The following TRMT44 variants were observed in gnomAD, a reference collection of about 807,000 sequenced individuals.
TRMT44 encodes probable tRNA (uracil-O(2)-)-methyltransferase.
A neutral mutation model predicts 77.3 loss-of-function variants in TRMT44; 78 were observed. The observed-to-expected ratio is 1.01, with a 90% CI of 0.84 to 1.22. The LOEUF (loss-of-function observed/expected upper bound fraction) is 1.22. Ranked by LOEUF, TRMT44 falls within the 50% of genes most tolerant of loss-of-function variation. The pLI is 0.00. For synonymous variants in TRMT44, 391 were observed against 383.3 expected (o/e 1.02, Z -0.23); for missense variants, 1,090 against 964.4 (o/e 1.13, Z -1.73).
rs1560223271 is a variant in TRMT44 at position 8,451,617 on chromosome 4, C to T, written c.955-343C>T. ...CGGCTCTCCCTGCCCTAGTTTCACT[C>T]CCACGCCTAGTTTCCTTGTTTGTTG... On this transcript the variant is annotated intron_variant, in intron 3 of 10. Coordinates refer to ENST00000389737, the MANE Select transcript of TRMT44 (RefSeq NM_152544.3). This position sits in a 1 kb window ranked among gnomAD's most constrained non-coding sequence, Gnocchi z 4.1. Among the ~76,000 whole-genome samples the T allele has an allele frequency of 1.3e-5, 2 of 152,298 alleles. No individual in the cohort carries two copies. Among genetic ancestry groups the T allele is most frequent in the South Asian group, 2.1e-4 (1 of 4,826 alleles).
At chr4:8,465,062 TGGAGTGG>T (rs1202685462) in intron 7 of TRMT44, among the ~76,000 whole-genome samples, 1 of 152,080 alleles carries the variant, frequency 6.6e-6, no homozygotes, top group Non-Finnish European at 1.5e-5. Context: ...TGGGGACTGC[TGGAGTGG>T]GGAGTGAGGG....
At chr4:8,467,841 T>C (rs1726697114) in intron 8 of TRMT44, 73 bp from the exon 9 acceptor site, 1 of 1,437,884 alleles carries the variant, frequency 7.0e-7, no homozygotes, top group African/African-American at 1.4e-5. Flanking sequence ...TACTCCAGGA[T>C]GAGAGAATTC....
chr4:8,493,019 G>T (rs894883233), intron 2 of TRMT44, among the ~76,000 whole-genome samples: 3 of 152,134 alleles, frequency 2.0e-5, no homozygotes, highest in Non-Finnish European at 4.4e-5. Flanking sequence ...TTCCTAAATC[G>T]ACTGAGACCT....
chr4:8,492,887 G>A (rs1157967208), intron 2 of TRMT44, among the ~76,000 whole-genome samples: 1 of 152,150 alleles, frequency 6.6e-6, no homozygotes, highest in Non-Finnish European at 1.5e-5. Context: ...TATACTGATT[G>A]ATGTCCCATG....
At chr4:8,445,802 G>A (rs1444267719) in intron 1 of TRMT44, among the ~76,000 whole-genome samples, 1 of 152,064 alleles carries the variant, frequency 6.6e-6, no homozygotes, top group Non-Finnish European at 1.5e-5. Flanking sequence ...GTGCATATTT[G>A]GCCTGTGAAG....
the TRMT44 span, among the ~76,000 whole-genome samples, chr4:8,516,474 C>A: frequency 2.6e-5 from 4 of 152,186 alleles, no homozygotes; most frequent in Non-Finnish European, 5.9e-5. Flanking sequence ...TTCACCATTC[C>A]CTGAAAAACC....
the TRMT44 span, among the ~76,000 whole-genome samples, chr4:8,503,350 C>T: frequency 6.6e-6 from 1 of 152,338 alleles, no homozygotes; most frequent in South Asian, 2.1e-4. Context: ...AGCAGTCGGA[C>T]CGGCTCAAGC....
At chr4:8,501,250 G>A in the TRMT44 span, among the ~76,000 whole-genome samples, 1 of 152,202 alleles carries the variant, frequency 6.6e-6, no homozygotes, top group African/African-American at 2.4e-5. The surrounding 1 kb of genome is among the most constrained non-coding windows in gnomAD (Gnocchi z 4.4). Context: ...CTGGCAGGTG[G>A]CCTGAGGGGA....
chr4:8,464,784 GA>G, intron 7 of TRMT44, among the ~76,000 whole-genome samples: 1 of 152,294 alleles, frequency 6.6e-6, no homozygotes, highest in East Asian at 1.9e-4. Context: ...AAAGTAATTA[GA>G]TTCTATTGAA....
chr4:8,514,716 T>TG, the TRMT44 span, among the ~76,000 whole-genome samples: 1 of 152,152 alleles, frequency 6.6e-6, no homozygotes, highest in South Asian at 2.1e-4. Flanking sequence ...GGGACCCAGT[T>TG]GGGGGGCAGC....
intron 2 of TRMT44, among the ~76,000 whole-genome samples, chr4:8,484,157 A>G (rs184212437): frequency 1.2e-3 from 181 of 152,170 alleles, no homozygotes; most frequent in African/African-American, 4.2e-3. Context: ...ACTTCCATCA[A>G]TAAACTAAGT....
At position 8,471,155 on chromosome 4, in the gene TRMT44, G is replaced by T. The variant is rs148022470; in HGVS notation, c.1999G>T (p.Gly667Trp). ...CCTGCGGAGGCTGAAGCGGGAGTGT[G>T]GGGGCCTGCAGACGCTGCTCCGGAA... Reference protein sequence around the residue: ...ETLRRLKRECGGLQTLLRNSH... With the variant: ...ETLRRLKRECWGLQTLLRNSH... The change falls in exon 10 of 11, where the codon GGG (glycine) becomes TGG (tryptophan). Residue 667 changes from glycine (G) to tryptophan (W), a missense_variant. By Grantham distance (184) the Gly-to-Trp change is radical (BLOSUM62 -2). Transcript: ENST00000389737. 3 of 1,609,602 alleles carry T rather than the reference G, an allele frequency of 1.9e-6. No homozygotes were observed. In the African/African-American group the frequency reaches 4.0e-5, roughly 22 times the overall value.
At chr4:8,464,165 T>A in intron 7 of TRMT44, 74 bp downstream of exon 7, 1 of 1,202,046 alleles carries the variant, frequency 8.3e-7, no homozygotes, top group Non-Finnish European at 1.2e-6. Flanking sequence ...TCCAAAAGGG[T>A]AGCCACTAGC....
At chr4:8,485,660 C>T (rs1405686585) in intron 2 of TRMT44, among the ~76,000 whole-genome samples, 1 of 151,938 alleles carries the variant, frequency 6.6e-6, no homozygotes, top group African/African-American at 2.4e-5. Flanking sequence ...GCGAAGGAGG[C>T]TTTGGGTTGG....
intron 8 of TRMT44, 87 bp downstream of exon 8, chr4:8,465,648 C>A: frequency 1.7e-6 from 2 of 1,202,426 alleles, no homozygotes; most frequent in Non-Finnish European, 2.3e-6. Context: ...ATGAACCATG[C>A]TGTAACGTTC....
chr4:8,502,025 C>T, the TRMT44 span, among the ~76,000 whole-genome samples: 8 of 152,234 alleles, frequency 5.3e-5, no homozygotes, highest in African/African-American at 1.7e-4. Flanking sequence ...CTCTGAGCAG[C>T]AGCTGAATTT....
At position 8,475,922 on chromosome 4, in the gene TRMT44, C is replaced by T. The variant is rs957854308; in HGVS notation, c.2195C>T (p.Ser732Phe). 1 of 1,614,206 alleles carries T rather than the reference C, an allele frequency of 6.2e-7. No individual in the cohort carries two copies. Among genetic ancestry groups the T allele is most frequent in the Non-Finnish European group, 8.5e-7 (1 of 1,180,046 alleles). The change falls in exon 11 of 11, where the codon TCC becomes TTC. Residue 732 changes from serine to phenylalanine, a missense_variant. Ser to Phe is a radical substitution (Grantham distance 155). Transcript: ENST00000389737. ...CATCACCCTGATGGCTGCGCTCTGT[C>T]CACGGACTGCTGCCCGTTTGCCCAT... Reference protein sequence around the residue: ...FMHHPDGCALSTDCCPFAHGP... With the variant: ...FMHHPDGCALFTDCCPFAHGP...
intron 2 of TRMT44, among the ~76,000 whole-genome samples, chr4:8,488,004 T>A (rs1270184849): frequency 6.6e-6 from 1 of 151,894 alleles, no homozygotes; most frequent in Admixed American, 6.5e-5. Context: ...ATGAAAGGAA[T>A]TGAAATTAAG....
At chr4:8,473,933 C>G (rs528702883) in intron 10 of TRMT44, among the ~76,000 whole-genome samples, 1 of 152,168 alleles carries the variant, frequency 6.6e-6, no homozygotes, top group Non-Finnish European at 1.5e-5. Context: ...CTGCGCCGTT[C>G]GGGAGCCTCA....
Sources: allele counts gnomAD v4.1 joint callset (sites outside exome capture counted in the v4.1 genomes callset), GRCh38; gene constraint gnomAD v4.1.1; non-coding constraint Gnocchi (gnomAD v3.1); transcripts MANE v1.5; gene names NCBI Gene and HGNC (gene_info 2026-07-23, HGNC 2026-07-21).